The following SHB variants were observed in gnomAD, a reference collection of about 807,000 sequenced individuals.
SHB encodes SH2 domain containing adaptor protein B, also known as SH2 domain-containing adapter protein B.
SHB carries 20 observed loss-of-function variants against 52.3 expected under a neutral mutation model. The ratio of observed to expected loss-of-function variants is 0.38; its 90% CI spans 0.27 to 0.56. SHB has a LOEUF of 0.56. SHB is among the 20% of genes least tolerant of loss of function. SHB has a pLI of 0.71. For synonymous variants in SHB, 397 were observed against 316.5 expected (o/e 1.25, Z -2.70); for missense variants, 825 against 723.3 (o/e 1.14, Z -1.61).
intron 5 of SHB, among the ~76,000 whole-genome samples, chr9:37,937,935 C>T (rs1832392632): frequency 6.6e-6 from 1 of 152,160 alleles, no homozygotes; most frequent in African/African-American, 2.4e-5. Flanking sequence ...GATGATTCAA[C>T]TCCCTTTGGG....
chr9:37,934,225 T>C (rs981044876), intron 5 of SHB, among the ~76,000 whole-genome samples: 3 of 152,194 alleles, frequency 2.0e-5, no homozygotes, highest in South Asian at 2.1e-4. Context: ...CAGGGTCTTA[T>C]TGACATGCAA....
chr9:37,992,634 G>A (rs1011157367), intron 2 of SHB, among the ~76,000 whole-genome samples: 2 of 152,164 alleles, frequency 1.3e-5, no homozygotes, highest in Admixed American at 6.5e-5. Flanking sequence ...CCCATGCAGG[G>A]GGCTGGGTAA....
At chr9:38,025,858 C>T (rs1454467143) in intron 1 of SHB, among the ~76,000 whole-genome samples, 2 of 152,190 alleles carry the variant, frequency 1.3e-5, no homozygotes, top group Admixed American at 1.3e-4. Context: ...CCAGAGGCTC[C>T]AAGTAACAAA....
intron 1 of SHB, among the ~76,000 whole-genome samples, chr9:38,061,327 AAGAAAT>A: frequency 6.6e-6 from 1 of 151,710 alleles, no homozygotes. Context: ...AAAAAAAAAA[AAGAAAT>A]AGAAAATACA....
chr9:38,059,667 C>T (rs113183428), intron 1 of SHB, among the ~76,000 whole-genome samples: 8 of 152,284 alleles, frequency 5.3e-5, no homozygotes, highest in East Asian at 1.9e-4. Context: ...AATCAAAACA[C>T]GGGAAGAAGC....
At chr9:37,990,224 G>A (rs1223193689) in intron 2 of SHB, among the ~76,000 whole-genome samples, 1 of 151,734 alleles carries the variant, frequency 6.6e-6, no homozygotes, top group African/African-American at 2.4e-5. Flanking sequence ...TCAGTTTAGA[G>A]CACCAGGTAC....
intron 1 of SHB, among the ~76,000 whole-genome samples, chr9:38,065,519 T>C (rs1040679976): frequency 6.6e-6 from 1 of 152,138 alleles, no homozygotes; most frequent in African/African-American, 2.4e-5. Flanking sequence ...CGCTGCAGGA[T>C]GGGCCCCAGC....
In SHB at chr9:38,058,000, G is replaced by C. The variant is rs117055488; in HGVS notation, c.717+9929C>G. ...TAGCAGGTGGCCTCTTTTGAATTAG[G>C]AGTACTGGGGCAATTTCAGACTAGT... On this transcript the variant is annotated intron_variant, in intron 1 of 5. Coordinates refer to ENST00000377707, the MANE Select transcript of SHB (RefSeq NM_003028.3). Among the ~76,000 whole-genome samples, 1,262 of 152,344 alleles carry C rather than the reference G, an allele frequency of 8.3e-3. 4 individuals carry two copies. Among genetic ancestry groups the C allele is most frequent in the Non-Finnish European group, 0.014 (933 of 68,036 alleles).
At chr9:37,992,631 A>T (rs139488648) in intron 2 of SHB, among the ~76,000 whole-genome samples, 1 of 152,168 alleles carries the variant, frequency 6.6e-6, no homozygotes, top group Admixed American at 6.5e-5. Context: ...TATCCCATGC[A>T]GGGGGCTGGG....
In SHB at chr9:38,063,197, C is replaced by T. The variant is rs551316481; in HGVS notation, c.717+4732G>A. ...CTATCAAGTGCAACCCTGACCTTTGCCATTAGTGATATTTTAAGAACTGGA... is the reference window on the plus strand; with the variant it reads ...CTATCAAGTGCAACCCTGACCTTTGTCATTAGTGATATTTTAAGAACTGGA... On this transcript the variant is annotated intron_variant, in intron 1 of 5. Coordinates refer to ENST00000377707, the MANE Select transcript of SHB (RefSeq NM_003028.3). Among the ~76,000 whole-genome samples, 9 of 152,328 alleles carry T rather than the reference C, an allele frequency of 5.9e-5. No individual in the cohort carries two copies. In the South Asian group the frequency reaches 1.4e-3, roughly 25 times the overall value.
intron 2 of SHB, among the ~76,000 whole-genome samples, chr9:37,979,333 T>C (rs779293554): frequency 5.3e-5 from 8 of 152,174 alleles, no homozygotes; most frequent in Non-Finnish European, 8.8e-5. Context: ...ACTACATACA[T>C]AGAAAGAAAA....
intron 3 of SHB, among the ~76,000 whole-genome samples, chr9:37,965,543 T>A (rs1273964555): frequency 6.6e-6 from 1 of 151,844 alleles, no homozygotes; most frequent in Non-Finnish European, 1.5e-5. Context: ...GAACACAGGG[T>A]TGGTTTTCCT....
chr9:38,047,618 A>T (rs1821674834), intron 1 of SHB, among the ~76,000 whole-genome samples: 1 of 152,268 alleles, frequency 6.6e-6, no homozygotes, highest in Non-Finnish European at 1.5e-5. Context: ...GGAACTGAGA[A>T]ACAGCAGCAG....
intron 2 of SHB, among the ~76,000 whole-genome samples, chr9:37,985,303 C>G (rs1387787321): frequency 6.6e-6 from 1 of 152,260 alleles, no homozygotes; most frequent in Admixed American, 6.5e-5. Flanking sequence ...AGGACAGGGT[C>G]TTCTCATGAG....
chr9:38,034,131 A>G (rs1456847385), intron 1 of SHB, among the ~76,000 whole-genome samples: 1 of 152,218 alleles, frequency 6.6e-6, no homozygotes, highest in Admixed American at 6.5e-5. Context: ...AGGGAGTTCA[A>G]TGTGCACCTC....
At chr9:38,067,883 G>A (rs1030017571) in intron 1 of SHB, 46 bp downstream of exon 1, 12 of 1,411,252 alleles carry the variant, frequency 8.5e-6, no homozygotes, top group South Asian at 4.6e-5. Flanking sequence ...TTCCCCGTGC[G>A]CACCGTGGCT....
intron 5 of SHB, among the ~76,000 whole-genome samples, chr9:37,944,210 A>G (rs1157393388): frequency 6.6e-6 from 1 of 152,142 alleles, no homozygotes; most frequent in African/African-American, 2.4e-5. Flanking sequence ...GGGGGCTCTG[A>G]GATGTCATGA....
At chr9:37,920,143 G>GGC (rs1832159619) in intron 5 of SHB, 139 bp from the exon 6 acceptor site, 8 of 665,164 alleles carry the variant, frequency 1.2e-5, no homozygotes, top group Non-Finnish European at 2.1e-5. Flanking sequence ...CCAGGACCGA[G>GGC]GCCCAGGACC....
intron 1 of SHB, among the ~76,000 whole-genome samples, chr9:38,065,680 C>A (rs778830058): frequency 6.6e-5 from 10 of 152,174 alleles, no homozygotes; most frequent in African/African-American, 1.2e-4. Context: ...GCAGTCACAA[C>A]CTAGTAGGTG....
Sources: gnomAD v4.1 joint callset for allele counts (sites outside exome capture counted in the v4.1 genomes callset) on GRCh38, gnomAD v4.1.1 for gene constraint, MANE v1.5 for transcripts, NCBI Gene and HGNC (gene_info 2026-07-23, HGNC 2026-07-21) for gene names.